PRP4K: variants seen among roughly 807,000 people sequenced by gnomAD.
PRP4K encodes serine/threonine-protein kinase PRP4 homolog.
At chr6:4,050,374 T>C in the PRP4K span, 2 of 700,214 alleles carry the variant, frequency 2.9e-6, no homozygotes, top group Admixed American at 3.1e-5. Flanking sequence ...CCATATGTCA[T>C]ATGTACTGGA....
At chr6:4,056,959 CT>C in the PRP4K span, 1 of 1,374,516 alleles carries the variant, frequency 7.3e-7, no homozygotes, top group Non-Finnish European at 9.9e-7. Context: ...TAGCCAGCCC[CT>C]CATTAATGGA....
chr6:4,060,592 C>T, the PRP4K span: 27 of 1,612,810 alleles, frequency 1.7e-5, no homozygotes, highest in South Asian at 9.9e-5. This position sits in a 1 kb window ranked among gnomAD's most constrained non-coding sequence, Gnocchi z 4.7. Flanking sequence ...CCCTACAGCA[C>T]GCCTTCATCC....
At chr6:4,027,608 T>TGGG in the PRP4K span, among the ~76,000 whole-genome samples, 8 of 30,964 alleles carry the variant, frequency 2.6e-4, no homozygotes, top group South Asian at 1.4e-3. Flanking sequence ...GGTGGGGGGG[T>TGGG]GGGGTGGGGG....
At chr6:4,032,185 C>G in the PRP4K span, 2 of 1,613,840 alleles carry the variant, frequency 1.2e-6, no homozygotes, top group Non-Finnish European at 1.7e-6. Flanking sequence ...AGGAAAAAAT[C>G]TAAAAGCCCA....
chr6:4,037,330 T>A, the PRP4K span: 1 of 1,391,212 alleles, frequency 7.2e-7, no homozygotes, highest in South Asian at 1.6e-5. Context: ...CAGATGTTCT[T>A]TGCATATAGA....
chr6:4,030,564 C>A, the PRP4K span, among the ~76,000 whole-genome samples: 4 of 152,134 alleles, frequency 2.6e-5, no homozygotes, highest in African/African-American at 9.7e-5. Context: ...TTCTTAAACA[C>A]CAAGGGCTCG....
At chr6:4,043,875 G>A in the PRP4K span, 35,377 of 1,614,106 alleles carry the variant, frequency 0.022, 455 homozygotes, top group Non-Finnish European at 0.025. Flanking sequence ...GCAGCCCCCA[G>A]AGCAGTACGA....
At chr6:4,052,489 T>G in the PRP4K span, among the ~76,000 whole-genome samples, 3 of 152,218 alleles carry the variant, frequency 2.0e-5, no homozygotes, top group African/African-American at 7.2e-5. Flanking sequence ...CATATCTTTC[T>G]TCTTACCTAT....
the PRP4K span, chr6:4,049,946 CTA>C: frequency 1.1e-5 from 17 of 1,498,852 alleles, no homozygotes; most frequent in African/African-American, 1.3e-4. Context: ...TATTTTTAAA[CTA>C]TTTTTTTAAA....
At chr6:4,052,155 AT>A in the PRP4K span, 2 of 1,454,184 alleles carry the variant, frequency 1.4e-6, no homozygotes, top group South Asian at 1.5e-5. Flanking sequence ...TTACGATCTC[AT>A]TTTGGATAAA....
chr6:4,029,274 A>G, the PRP4K span, among the ~76,000 whole-genome samples: 2 of 148,336 alleles, frequency 1.3e-5, no homozygotes, highest in Non-Finnish European at 3.0e-5. Flanking sequence ...TTCTTTCTCT[A>G]TTTGAAATGC....
At chr6:4,058,999 C>G in the PRP4K span, 1 of 517,184 alleles carries the variant, frequency 1.9e-6, no homozygotes, top group Non-Finnish European at 3.4e-6. Flanking sequence ...AAATGTTTTT[C>G]TAGCATAATT....
chr6:4,064,304 T>C, the PRP4K span: 1 of 152,704 alleles, frequency 6.5e-6, no homozygotes, highest in South Asian at 2.1e-4. Flanking sequence ...TTATGGTATG[T>C]GGTAGAGTAA....
At chr6:4,054,791 A>G in the PRP4K span, among the ~76,000 whole-genome samples, 1 of 152,216 alleles carries the variant, frequency 6.6e-6, no homozygotes, top group African/African-American at 2.4e-5. Context: ...AGCGTGAGCC[A>G]ATTTTTTGTT....
chr6:4,041,326 T>C, the PRP4K span, among the ~76,000 whole-genome samples: 4 of 152,232 alleles, frequency 2.6e-5, no homozygotes, highest in Non-Finnish European at 5.9e-5. Context: ...ATGAGTGTCC[T>C]TTTTACAACA....
the PRP4K span, chr6:4,060,467 T>C: frequency 6.2e-7 from 1 of 1,613,912 alleles, no homozygotes; most frequent in Non-Finnish European, 8.5e-7. The surrounding 1 kb of genome is among the most constrained non-coding windows in gnomAD (Gnocchi z 4.7). Flanking sequence ...GTTGGCTGAC[T>C]TGATTGGGTG....
chr6:4,059,682 G>A, the PRP4K span, among the ~76,000 whole-genome samples: 29 of 151,636 alleles, frequency 1.9e-4, no homozygotes, highest in Non-Finnish European at 4.0e-4. Flanking sequence ...TCTGTCACCT[G>A]TCACCCAGGG....
At chr6:4,051,521 T>C in the PRP4K span, among the ~76,000 whole-genome samples, 1 of 152,126 alleles carries the variant, frequency 6.6e-6, no homozygotes. Flanking sequence ...TTCGCTATGT[T>C]GACCAGGCTG....
chr6:4,030,202 C>G, the PRP4K span, among the ~76,000 whole-genome samples: 2,266 of 152,298 alleles, frequency 0.015, 61 homozygotes, highest in African/African-American at 0.052. Context: ...CTTGGCCTCC[C>G]AAAGTGCTGG....
Sources: allele counts gnomAD v4.1 joint callset (sites outside exome capture counted in the v4.1 genomes callset), GRCh38; gene constraint gnomAD v4.1.1; non-coding constraint Gnocchi (gnomAD v3.1); transcripts MANE v1.5; gene names NCBI Gene and HGNC (gene_info 2026-07-23, HGNC 2026-07-21).